The following CAMSAP1 variants were observed in gnomAD, a reference collection of about 807,000 sequenced individuals.
The protein encoded by CAMSAP1 is calmodulin regulated spectrin associated protein 1, also known as calmodulin-regulated spectrin-associated protein 1.
In CAMSAP1, 58 loss-of-function variants were observed where a neutral mutation model predicts 143.5. The ratio of observed to expected loss-of-function variants is 0.40; its 90% CI spans 0.33 to 0.50. The LOEUF (loss-of-function observed/expected upper bound fraction) is 0.50, where lower values mean the gene tolerates loss of function less well. Among genes scored for constraint, CAMSAP1 ranks in the 20% least tolerant of loss-of-function variants. The pLI, the probability that CAMSAP1 is intolerant of heterozygous loss-of-function variation, is 0.45. For missense variants in CAMSAP1, 1,969 were observed against 2,115.7 expected (o/e 0.93, Z 1.36); for synonymous variants, 945 against 859.3 (o/e 1.10, Z -1.74).
rs1345932190 is a variant in CAMSAP1, at chr9:135,821,263, A to G, written c.3398T>C (p.Leu1133Ser). The G allele has an allele frequency of 6.2e-7, 1 of 1,609,276 alleles. No individual in the cohort carries two copies. The highest frequency in any genetic ancestry group is 2.2e-5 in the East Asian group (1 of 44,890). Reference protein sequence around the residue: ...PTPSVETLPHLRPFPASSHPR... With the variant: ...PTPSVETLPHSRPFPASSHPR... ...GTGGCTGCTGGCAGGGAAGGGTCTCAAGTGCGGGAGCGTCTCTACACTGGG... is the reference window on the plus strand; with the variant it reads ...GTGGCTGCTGGCAGGGAAGGGTCTCGAGTGCGGGAGCGTCTCTACACTGGG... Residue 1133 changes from leucine (L) to serine (S), a missense_variant, in exon 11 of 17, where the codon TTG becomes TCG. This residue lies in a region of CAMSAP1 where 1,390 missense variants were observed against 1,420.8 expected (regional missense o/e 0.98). Coordinates refer to ENST00000389532, the MANE Select transcript of CAMSAP1 (RefSeq NM_015447.4). The surrounding 1 kb of genome is among the most constrained non-coding windows in gnomAD (Gnocchi z 4.6).
intron 1 of CAMSAP1, among the ~76,000 whole-genome samples, chr9:135,899,594 A>T (rs754902227): frequency 2.6e-5 from 4 of 152,040 alleles, no homozygotes; most frequent in Admixed American, 6.6e-5. Flanking sequence ...CCAATCTACG[A>T]ATCAGCCACT....
chr9:135,818,128 C>G lies in CAMSAP1; in HGVS notation c.4169-49G>C. The G allele has an allele frequency of 6.4e-7, 1 of 1,570,674 alleles. No homozygotes were observed. Among genetic ancestry groups the G allele is most frequent in the Non-Finnish European group, 8.7e-7 (1 of 1,145,064 alleles). On this transcript the variant is annotated intron_variant, in intron 13 of 16. Coordinates refer to ENST00000389532, the MANE Select transcript of CAMSAP1 (RefSeq NM_015447.4). This position sits in a 1 kb window ranked among gnomAD's most constrained non-coding sequence, Gnocchi z 7.7. ...CGGTTCATGAACGGATTCCGACAGA[C>G]AAGTACCTGTCCCCTGTACCTGTTC... is the stretch of plus-strand genomic sequence containing the variant.
At chr9:135,856,024 C>CAT (rs1391636198) in intron 5 of CAMSAP1, among the ~76,000 whole-genome samples, 4 of 152,072 alleles carry the variant, frequency 2.6e-5, no homozygotes, top group Admixed American at 1.3e-4. Flanking sequence ...TGCACTCCAG[C>CAT]ATAGGCAAGA....
chr9:135,843,364 TAAAG>T (rs1329802787), intron 7 of CAMSAP1, among the ~76,000 whole-genome samples: 1 of 151,958 alleles, frequency 6.6e-6, no homozygotes, highest in Non-Finnish European at 1.5e-5. Flanking sequence ...GCAAATTGGA[TAAAG>T]AGTCAAGACC....
chr9:135,816,996 G>C (rs1407856153), intron 14 of CAMSAP1, among the ~76,000 whole-genome samples: 1 of 152,172 alleles, frequency 6.6e-6, no homozygotes, highest in Non-Finnish European at 1.5e-5. Context: ...TCACTTCTGG[G>C]CTGCTCAATC....
chr9:135,850,498 G>A, intron 5 of CAMSAP1, 37 bp from the exon 6 acceptor site: 2 of 1,503,512 alleles, frequency 1.3e-6, no homozygotes, highest in East Asian at 2.3e-5. Flanking sequence ...TTATTGTAAA[G>A]GTATTCTGCT....
At chr9:135,862,831 A>G (rs1837246308) in intron 4 of CAMSAP1, among the ~76,000 whole-genome samples, 1 of 152,218 alleles carries the variant, frequency 6.6e-6, no homozygotes, top group African/African-American at 2.4e-5. Context: ...ACACTGGGTA[A>G]CAGCAACTAC....
chr9:135,815,306 A>C, intron 15 of CAMSAP1, 91 bp from the exon 16 acceptor site: 1 of 673,334 alleles, frequency 1.5e-6, no homozygotes, highest in East Asian at 2.9e-5. Context: ...GAAGCAAGCA[A>C]TGGGTAGGCT....
intron 1 of CAMSAP1, among the ~76,000 whole-genome samples, chr9:135,906,512 G>T (rs1381227176): frequency 1.3e-5 from 2 of 152,250 alleles, no homozygotes; most frequent in African/African-American, 4.8e-5. Context: ...TAAGCACAAT[G>T]CGCGGAATAC....
intron 5 of CAMSAP1, among the ~76,000 whole-genome samples, chr9:135,856,428 C>T (rs1039484570): frequency 6.6e-5 from 10 of 152,166 alleles, no homozygotes; most frequent in Non-Finnish European, 1.2e-4. Context: ...CCTCCCACAG[C>T]ACATGGGAAT....
intron 7 of CAMSAP1, among the ~76,000 whole-genome samples, chr9:135,849,329 T>G (rs571213620): frequency 6.6e-6 from 1 of 152,358 alleles, no homozygotes; most frequent in African/African-American, 2.4e-5. Context: ...AAACACGGTT[T>G]CCACTGAACG....
chr9:135,842,429 G>A (rs1014558592), intron 7 of CAMSAP1, among the ~76,000 whole-genome samples: 4 of 152,116 alleles, frequency 2.6e-5, no homozygotes, highest in Non-Finnish European at 5.9e-5. Context: ...CAAACTTCAG[G>A]ATATTATCCA....
At chr9:135,835,851 G>A (rs1022180421) in intron 7 of CAMSAP1, among the ~76,000 whole-genome samples, 1 of 152,102 alleles carries the variant, frequency 6.6e-6, no homozygotes, top group East Asian at 1.9e-4. Flanking sequence ...ATGGTGGTGC[G>A]CACCTGTAAT....
At chr9:135,864,574 C>T in intron 4 of CAMSAP1, among the ~76,000 whole-genome samples, 1 of 152,202 alleles carries the variant, frequency 6.6e-6, no homozygotes, top group East Asian at 1.9e-4. Flanking sequence ...CCGAGAAAGG[C>T]ACCACTGGCA....
intron 5 of CAMSAP1, among the ~76,000 whole-genome samples, chr9:135,857,268 C>A (rs1434535053): frequency 2.0e-5 from 3 of 152,118 alleles, no homozygotes; most frequent in African/African-American, 7.2e-5. Flanking sequence ...GTAGACTGAT[C>A]CTGATTTTTC....
At position 135,822,487 on chromosome 9, in the gene CAMSAP1, G is replaced by C; in HGVS notation, c.2174C>G (p.Ser725Cys). 6.2e-7 allele frequency: 1 copy of C among 1,613,914 alleles called. No homozygotes were observed. Among genetic ancestry groups the C allele is most frequent in the Non-Finnish European group, 8.5e-7 (1 of 1,179,884 alleles). ...GAGAGTCCACGGCTCTGAATCGTGG[G>C]AGTTGGGGCTTTTTGAACAACTAAC... ...LYVSCSKSPN[S>C]HDSEPWTLLR... The change falls in exon 11 of 17, where the codon TCC becomes TGC. Residue 725 changes from serine to cysteine, a missense_variant. This residue lies in a region of CAMSAP1 where 1,390 missense variants were observed against 1,420.8 expected (regional missense o/e 0.98). Transcript: ENST00000389532. The surrounding 1 kb of genome is among the most constrained non-coding windows in gnomAD (Gnocchi z 6.1).
In CAMSAP1 at chr9:135,881,754, T is replaced by G. The variant is rs1367703246; in HGVS notation, c.464A>C (p.Tyr155Ser). The stretch of plus-strand genomic sequence containing the variant: ...CTCGATGCTGATCATCTCCACAGTG[T>G]AGGCCATCATCAGGGCATCCACCAT... ...MAMVDALMMA[Y>S]TVEMISIEKV... is the part of the protein sequence containing the mutation. The change falls in exon 3 of 17, where the codon TAC becomes TCC. Residue 155 changes from tyrosine (Y) to serine (S), a missense_variant. Physicochemically the swap from Tyr to Ser is moderately radical, Grantham distance 144. Transcript: ENST00000389532. The G allele has an allele frequency of 1.3e-6, 2 of 1,551,914 alleles. No individual in the cohort carries two copies. Among genetic ancestry groups the G allele is most frequent in the Non-Finnish European group, 1.7e-6 (2 of 1,147,034 alleles).
chr9:135,880,050 C>T (rs1274349439), intron 3 of CAMSAP1, among the ~76,000 whole-genome samples: 3 of 152,052 alleles, frequency 2.0e-5, no homozygotes, highest in Non-Finnish European at 4.4e-5. Context: ...GGGTAATTTA[C>T]ATTTTATTCT....
chr9:135,876,282 GA>G (rs1837744879), intron 3 of CAMSAP1, among the ~76,000 whole-genome samples: 1 of 152,146 alleles, frequency 6.6e-6, no homozygotes, highest in Non-Finnish European at 1.5e-5. Context: ...ACACTGTTAA[GA>G]AAACAAAAAG....
Sources: gnomAD v4.1 joint callset for allele counts (sites outside exome capture counted in the v4.1 genomes callset) on GRCh38, gnomAD v4.1.1 for gene constraint, gnomAD v4.1.1 regional missense constraint, Gnocchi (gnomAD v3.1) non-coding constraint, MANE v1.5 for transcripts, NCBI Gene and HGNC (gene_info 2026-07-23, HGNC 2026-07-21) for gene names.